Variants in LIN9 observed in about 807,000 individuals in gnomAD.
The protein encoded by LIN9 is lin-9 DREAM MuvB core complex component, also known as protein lin-9 homolog.
LIN9 carries 18 observed loss-of-function variants against 78.0 expected under a neutral mutation model. That is an observed-to-expected ratio of 0.23 (90% CI 0.16 to 0.34). LIN9 has a LOEUF of 0.34. LIN9 is among the 10% of genes least tolerant of loss of function. LIN9 has a pLI of 1.00. For missense variants in LIN9, 451 were observed against 644.1 expected (o/e 0.70, Z 3.25); for synonymous variants, 192 against 215.2 (o/e 0.89, Z 0.94).
rs562524077 is a variant in LIN9 at position 226,277,797 on chromosome 1, C to T, written c.660G>A (p.Leu220=). The T allele has an allele frequency of 5.0e-6, 8 of 1,613,658 alleles. 1 individual carries two copies. The African/African-American group carries it at 1.1e-4, about 22-fold the overall frequency. The change falls in exon 7 of 15, where the codon CTG becomes CTA. Residue 220 remains leucine, a synonymous_variant. Transcript: ENST00000681046. ...TACCTGTAACTTTCGTTCCAATAAC[C>T]AGAGGCAAAGGAATTTCATCTGGGA... ...KDLPDEIPLP[L]VIGTKVTARL...
intron 10 of LIN9, among the ~76,000 whole-genome samples, chr1:226,263,695 A>C (rs1659740618): frequency 6.6e-6 from 1 of 152,228 alleles, no homozygotes; most frequent in African/African-American, 2.4e-5. Flanking sequence ...TGCTCTTATC[A>C]CATTTTCAAT....
chr1:226,305,315 G>GAAAAAAAAAAA (rs111859953), intron 1 of LIN9, among the ~76,000 whole-genome samples: 21 of 77,428 alleles, frequency 2.7e-4, no homozygotes, highest in African/African-American at 4.4e-4. Context: ...ACAAAAAAAA[G>GAAAAAAAAAAA]AAAAAAAAAA....
At chr1:226,273,509 T>C (rs112180453) in intron 7 of LIN9, among the ~76,000 whole-genome samples, 2,833 of 151,640 alleles carry the variant, frequency 0.019, 46 homozygotes, top group Middle Eastern at 0.034. Flanking sequence ...CCTCCCAAAG[T>C]GCTGGGATGA....
intron 7 of LIN9, among the ~76,000 whole-genome samples, chr1:226,274,966 C>G (rs1437667019): frequency 6.6e-6 from 1 of 152,162 alleles, no homozygotes; most frequent in African/African-American, 2.4e-5. Flanking sequence ...TGAGTCATCT[C>G]AGAGTCTATC....
chr1:226,280,573 C>T (rs1042991262), intron 6 of LIN9, among the ~76,000 whole-genome samples: 2 of 152,068 alleles, frequency 1.3e-5, no homozygotes, highest in Admixed American at 1.3e-4. Context: ...GTCAGGAGAT[C>T]GAGACCATCC....
At chr1:226,273,632 A>G (rs982175138) in intron 7 of LIN9, among the ~76,000 whole-genome samples, 1 of 152,012 alleles carries the variant, frequency 6.6e-6, no homozygotes, top group Non-Finnish European at 1.5e-5. Flanking sequence ...TTTTTTTAAA[A>G]AGGCAGTTCC....
chr1:226,234,295 T>C (rs998529938), intron 12 of LIN9, among the ~76,000 whole-genome samples: 3 of 152,256 alleles, frequency 2.0e-5, no homozygotes, highest in Non-Finnish European at 2.9e-5. Context: ...ATTACTATGA[T>C]GGTTGCAAAA....
In LIN9 at chr1:226,301,223, A is replaced by G. The variant is rs41305548; in HGVS notation, c.32-18T>C. ...TGAAGAGCCTGCAATTAAAAATAAAACAAATCAATAATTATTTCATAACCA... is the reference window on the plus strand; with the variant it reads ...TGAAGAGCCTGCAATTAAAAATAAAGCAAATCAATAATTATTTCATAACCA... On this transcript the variant is annotated intron_variant, in intron 1 of 14. Transcript: ENST00000681046. 9,408 of 1,588,144 alleles carry G rather than the reference A, an allele frequency of 5.9e-3. 68 individuals are homozygous for G. The highest frequency in any genetic ancestry group is 0.028 in the Middle Eastern group (168 of 5,904).
In LIN9 at chr1:226,289,838, G is replaced by GGGGGGT. The variant is rs1553283398; in HGVS notation, c.265-2042_265-2041insACCCCC. On this transcript the variant is annotated intron_variant, in intron 4 of 14. Transcript: ENST00000681046. ...TAGGACAACTAAGTAGTCCTCCGGG[G>GGGGGGT]GGGGGGGTGGGGGGGGGTGGGAAAG... Among the ~76,000 whole-genome samples, 6 of 59,108 alleles carry GGGGGGT rather than the reference G, an allele frequency of 1.0e-4. 1 individual carries two copies. The highest frequency in any genetic ancestry group is 2.1e-4 in the Non-Finnish European group (6 of 28,050). 38.8% of individuals were successfully genotyped at this position (59,108 alleles called of 152,430 possible).
intron 4 of LIN9, among the ~76,000 whole-genome samples, chr1:226,289,742 C>T (rs992456046): frequency 2.0e-5 from 3 of 147,132 alleles, no homozygotes; most frequent in Non-Finnish European, 3.0e-5. Context: ...AATACTTATA[C>T]GAATTTAGCT....
intron 2 of LIN9, 89 bp from the exon 3 acceptor site, chr1:226,297,902 A>G: frequency 1.9e-6 from 1 of 519,348 alleles, no homozygotes; most frequent in Non-Finnish European, 3.3e-6. Context: ...ACAGCCATAT[A>G]TCTAAAATAT....
intron 1 of LIN9, among the ~76,000 whole-genome samples, chr1:226,302,258 G>C (rs1662586794): frequency 6.6e-6 from 1 of 152,052 alleles, no homozygotes; most frequent in African/African-American, 2.4e-5. Context: ...AAAATCAATA[G>C]AGAGGCCGGG....
At chr1:226,251,374 C>T (rs900986659) in intron 10 of LIN9, among the ~76,000 whole-genome samples, 1 of 152,078 alleles carries the variant, frequency 6.6e-6, no homozygotes, top group South Asian at 2.1e-4. Context: ...ATTACAGGCA[C>T]CCGCCACCAT....
intron 12 of LIN9, 146 bp from the exon 13 acceptor site, chr1:226,233,669 C>T: frequency 2.2e-6 from 1 of 463,466 alleles, no homozygotes; most frequent in Non-Finnish European, 3.5e-6. Flanking sequence ...AAGTTTTTTT[C>T]CTTTAACAGT....
At chr1:226,278,408 G>C (rs1275386716) in intron 6 of LIN9, among the ~76,000 whole-genome samples, 1 of 151,632 alleles carries the variant, frequency 6.6e-6, no homozygotes, top group Non-Finnish European at 1.5e-5. Context: ...CAGCCTGGGC[G>C]ACAAGAGTGA....
intron 1 of LIN9, among the ~76,000 whole-genome samples, chr1:226,305,421 A>C (rs541799897): frequency 6.6e-6 from 1 of 150,638 alleles, no homozygotes; most frequent in Non-Finnish European, 1.5e-5. Context: ...TTAGCCCAGA[A>C]GATCAAGGCT....
chr1:226,270,436 T>C (rs889134586), intron 7 of LIN9, among the ~76,000 whole-genome samples: 2 of 152,184 alleles, frequency 1.3e-5, no homozygotes, highest in Non-Finnish European at 2.9e-5. Flanking sequence ...CAAAAATTAC[T>C]AGACATGTAA....
intron 7 of LIN9, among the ~76,000 whole-genome samples, chr1:226,274,124 C>A (rs933808144): frequency 6.6e-6 from 1 of 152,174 alleles, no homozygotes; most frequent in Non-Finnish European, 1.5e-5. Context: ...TGACCCACTA[C>A]GCCTGGCCTT....
chr1:226,245,596 A>C (rs537134701), intron 11 of LIN9, among the ~76,000 whole-genome samples: 1 of 151,806 alleles, frequency 6.6e-6, no homozygotes, highest in Admixed American at 6.6e-5. Flanking sequence ...AAAAAACAAA[A>C]ATTTTTTTTT....
Sources: allele counts gnomAD v4.1 joint callset (sites outside exome capture counted in the v4.1 genomes callset), GRCh38; gene constraint gnomAD v4.1.1; transcripts MANE v1.5; gene names NCBI Gene and HGNC (gene_info 2026-07-23, HGNC 2026-07-21).